Variants in ELFN2 observed in about 807,000 individuals in gnomAD.
The protein encoded by ELFN2 is extracellular leucine rich repeat and fibronectin type III domain containing 2.
In ELFN2, 17 loss-of-function variants were observed where a neutral mutation model predicts 45.5. The observed-to-expected ratio is 0.37, with a 90% confidence interval of 0.26 to 0.56. ELFN2 has a LOEUF of 0.56. ELFN2 is among the 20% of genes least tolerant of loss of function. The probability of loss-of-function intolerance (pLI) is 0.77; values close to 1 mark genes in which losing one functional copy is unlikely to be tolerated. For missense variants in ELFN2, 922 were observed against 1,183.2 expected (o/e 0.78, Z 3.24); for synonymous variants, 550 against 551.5 (o/e 1.00, Z 0.04).
At chr22:37,420,723 G>A (rs1932803607) in intron 1 of ELFN2, among the ~76,000 whole-genome samples, 1 of 152,204 alleles carries the variant, frequency 6.6e-6, no homozygotes, top group South Asian at 2.1e-4. Context: ...GCGTTCTGAG[G>A]ATTTAATGAG....
At chr22:37,410,430 G>C (rs1932619234) in intron 2 of ELFN2, among the ~76,000 whole-genome samples, 1 of 152,154 alleles carries the variant, frequency 6.6e-6, no homozygotes, top group Non-Finnish European at 1.5e-5. Flanking sequence ...ACGAGTGCGG[G>C]CAGTGGGTGG....
At chr22:37,397,073 C>T (rs916940335) in intron 2 of ELFN2, among the ~76,000 whole-genome samples, 5 of 152,292 alleles carry the variant, frequency 3.3e-5, no homozygotes, top group African/African-American at 9.6e-5. Context: ...ACCACCAACA[C>T]GGTGAACTCC....
At chr22:37,402,882 G>C (rs1187088622) in intron 2 of ELFN2, among the ~76,000 whole-genome samples, 2 of 152,126 alleles carry the variant, frequency 1.3e-5, no homozygotes, top group Non-Finnish European at 2.9e-5. Context: ...TGTGCACCGA[G>C]CACAGCACTG....
In ELFN2 at chr22:37,388,611, C is replaced by T. The variant is rs116484801; in HGVS notation, c.-462-12615G>A. 3.8e-3 allele frequency among the ~76,000 whole-genome samples: 579 copies of T among 152,278 alleles called. 2 individuals carry two copies. The highest frequency in any genetic ancestry group is 0.013 in the African/African-American group (540 of 41,548). On this transcript the variant is annotated intron_variant, in intron 2 of 2. Coordinates refer to ENST00000402918, the MANE Select transcript of ELFN2 (RefSeq NM_052906.5). ...GGGCTCTTCTGCTCCCTGGGGAAGT[C>T]GGGGAGGGGTCAGCTTTTGCACAGA...
intron 2 of ELFN2, among the ~76,000 whole-genome samples, chr22:37,405,186 G>A (rs902250441): frequency 6.8e-5 from 10 of 147,190 alleles, no homozygotes; most frequent in East Asian, 6.0e-4. Flanking sequence ...TCCGCCTCCC[G>A]GGTTCAAGCG....
rs749190458 is a variant in ELFN2, at chr22:37,373,969, C to T, written c.1566G>A (p.Pro522=). ...DGLARPEDDL[P]DLENGQGSAA... is the part of the protein sequence containing the mutation. ...CCGAGCCCTGGCCGTTCTCGAGGTCCGGGAGGTCATCCTCGGGCCGAGCCA... is the reference window on the plus strand; with the variant it reads ...CCGAGCCCTGGCCGTTCTCGAGGTCTGGGAGGTCATCCTCGGGCCGAGCCA... Residue 522 remains proline, a synonymous_variant, in exon 3 of 3, where the codon CCG becomes CCA. Transcript: ENST00000402918. 22 of 1,612,916 alleles carry T rather than the reference C, an allele frequency of 1.4e-5. No individual in the cohort carries two copies. Among genetic ancestry groups the T allele is most frequent in the Admixed American group, 5.0e-5 (3 of 60,014 alleles).
chr22:37,343,711 A>AC lies in ELFN2; in HGVS notation n.149-1009dup, dbSNP rs57548159. Among the ~76,000 whole-genome samples, 68 of 83,456 alleles carry AC rather than the reference A, an allele frequency of 8.1e-4. 2 individuals are homozygous for AC. Among genetic ancestry groups the AC allele is most frequent in the African/African-American group, 1.9e-3 (46 of 24,576 alleles). The allele number at this position is 83,456 out of a possible 152,430, so 54.8% of individuals were successfully genotyped here. A position where few individuals can be genotyped will look rare whatever the true frequency, so the allele number is the denominator to read the frequency against. ...CACCCACCCCTTGGCTCCCAGACCC[A>AC]CCCCCCCCGGACCCCAGCCTCCCCA... On this transcript the variant is annotated intron_variant and non_coding_transcript_variant, in intron 1 of 2. Transcript: ENST00000452946.
At chr22:37,419,315 G>C (rs999833584) in intron 1 of ELFN2, among the ~76,000 whole-genome samples, 3 of 151,720 alleles carry the variant, frequency 2.0e-5, no homozygotes, top group Non-Finnish European at 4.4e-5. Context: ...AAGCACCCCA[G>C]AGGCACACAC....
At chr22:37,350,781 G>A (rs1303875379) in intron 1 of ELFN2, among the ~76,000 whole-genome samples, 1 of 149,582 alleles carries the variant, frequency 6.7e-6, no homozygotes, top group Non-Finnish European at 1.5e-5. Context: ...CCGCTGGGAG[G>A]CGGGACAGGC....
intron 1 of ELFN2, among the ~76,000 whole-genome samples, chr22:37,349,196 GC>G (rs1349665701): frequency 1.3e-5 from 2 of 151,260 alleles, no homozygotes; most frequent in African/African-American, 4.8e-5. Flanking sequence ...GCAGATCCCA[GC>G]CCCGCCACTT....
intron 1 of ELFN2, chr22:37,420,144 G>C (rs1041369277): frequency 1.3e-5 from 2 of 152,154 alleles, no homozygotes; most frequent in Admixed American, 6.5e-5. Context: ...TGCGGAGGTG[G>C]GGAGCGCGGC....
chr22:37,356,684 C>G lies in ELFN2; in HGVS notation n.149-13981G>C, dbSNP rs1930957942. ...TGGGGCACTGTTCTAAACACTGATC[C>G]CTCACAATGACTCTGTGGGGTAGTA... On this transcript the variant is annotated intron_variant and non_coding_transcript_variant, in intron 1 of 2. Transcript: ENST00000452946. 1.3e-5 allele frequency among the ~76,000 whole-genome samples: 2 copies of G among 152,160 alleles called. 1 individual carries two copies. Among genetic ancestry groups the G allele is most frequent in the South Asian group, 4.1e-4 (2 of 4,832 alleles).
At chr22:37,425,760 C>A (rs930163975) in intron 1 of ELFN2, among the ~76,000 whole-genome samples, 5 of 152,166 alleles carry the variant, frequency 3.3e-5, no homozygotes, top group African/African-American at 1.2e-4. Context: ...CCTGTGCACC[C>A]CTCTCAGGGG....
At chr22:37,340,798 C>A (rs1378463058) in exon 3 of ELFN2, 1 of 152,264 alleles carries the variant, frequency 6.6e-6, no homozygotes, top group Non-Finnish European at 1.5e-5. Flanking sequence ...TGCTCAGGGG[C>A]CTCTGCAGGC....
rs141350069 is a variant in ELFN2 at position 37,373,858 on chromosome 22, C to G, written c.1677G>C (p.Ser559=). 188 of 1,613,286 alleles carry G rather than the reference C, an allele frequency of 1.2e-4. No individual in the cohort carries two copies. The African/African-American group carries it at 2.4e-3, about 21-fold the overall frequency. The change falls in exon 3 of 3, where the codon TCG becomes TCC. Residue 559 remains serine (S), a synonymous_variant. Transcript: ENST00000402918. ...TGCTGCCGCCTCCCAGAAAAGAGGC[C>G]GAGTCCAGCTTGAGAGCATCGATGC... ...NNCIDALKLD[S]ASFLGGGSSS...
At chr22:37,426,141 C>A (rs1477301997) in intron 1 of ELFN2, among the ~76,000 whole-genome samples, 1 of 152,088 alleles carries the variant, frequency 6.6e-6, no homozygotes, top group South Asian at 2.1e-4. Context: ...CCTCCAGCCG[C>A]AGCTGCTGGG....
At chr22:37,390,691 G>A (rs958978130) in intron 2 of ELFN2, among the ~76,000 whole-genome samples, 2 of 152,160 alleles carry the variant, frequency 1.3e-5, no homozygotes, top group African/African-American at 2.4e-5. Context: ...ACTGCAGGGC[G>A]GCCAACCTGG....
intron 2 of ELFN2, among the ~76,000 whole-genome samples, chr22:37,397,650 T>C (rs1204953965): frequency 6.6e-6 from 1 of 152,188 alleles, no homozygotes; most frequent in Non-Finnish European, 1.5e-5. Flanking sequence ...GACCTTCTTA[T>C]GTGGGGACGT....
chr22:37,394,770 G>A (rs1452903189), intron 2 of ELFN2, among the ~76,000 whole-genome samples: 1 of 152,114 alleles, frequency 6.6e-6, no homozygotes, highest in Non-Finnish European at 1.5e-5. Context: ...GTTGGCTGCC[G>A]CAAACTCAAC....
Sources: gnomAD v4.1 joint callset for allele counts (sites outside exome capture counted in the v4.1 genomes callset) on GRCh38, gnomAD v4.1.1 for gene constraint, MANE v1.5 for transcripts, NCBI Gene and HGNC (gene_info 2026-07-23, HGNC 2026-07-21) for gene names.